The following ADAMTS19 variants were observed in gnomAD, a reference collection of about 807,000 sequenced individuals.
The protein encoded by ADAMTS19 is A disintegrin and metalloproteinase with thrombospondin motifs 19.
A neutral mutation model predicts 153.3 loss-of-function variants in ADAMTS19; 93 were observed. The observed-to-expected ratio is 0.61, with a 90% CI of 0.51 to 0.72. ADAMTS19 has a LOEUF of 0.72. Among genes scored for constraint, ADAMTS19 ranks in the 30% least tolerant of loss-of-function variants. The pLI is 0.00. For synonymous variants in ADAMTS19, 600 were observed against 556.6 expected, an observed-to-expected ratio of 1.08 and a Z score of -1.10; for missense variants, 1,482 against 1,552.1, an observed-to-expected ratio of 0.95 and a Z score of 0.76.
intron 8 of ADAMTS19, among the ~76,000 whole-genome samples, chr5:129,608,116 G>GTGTGTGTGTATATA (rs377008786): frequency 0.02 from 965 of 47,924 alleles, 53 homozygotes; most frequent in Non-Finnish European, 0.036. Context: ...GTGTGTGTGT[G>GTGTGTGTGTATATA]TATATATATA....
chr5:129,710,454 G>A (rs937398828), intron 21 of ADAMTS19, among the ~76,000 whole-genome samples: 5 of 152,132 alleles, frequency 3.3e-5, no homozygotes, highest in Middle Eastern at 3.4e-3. Flanking sequence ...TATCTTTCAC[G>A]AAAGAAGACA....
chr5:129,520,038 G>C (rs1232510058), intron 3 of ADAMTS19, among the ~76,000 whole-genome samples: 1 of 152,058 alleles, frequency 6.6e-6, no homozygotes, highest in Non-Finnish European at 1.5e-5. Flanking sequence ...GAGTTACTGA[G>C]GCCGGGACCC....
At chr5:129,551,048 A>G (rs1753073194) in intron 6 of ADAMTS19, among the ~76,000 whole-genome samples, 1 of 151,668 alleles carries the variant, frequency 6.6e-6, no homozygotes, top group Non-Finnish European at 1.5e-5. Flanking sequence ...TATACATGTT[A>G]AATCATTTAA....
intron 3 of ADAMTS19, among the ~76,000 whole-genome samples, chr5:129,515,433 A>G (rs542390046): frequency 9.3e-4 from 142 of 152,090 alleles, no homozygotes; most frequent in African/African-American, 3.3e-3. Context: ...TGAACATGGA[A>G]TATCTTTCTA....
Position 129,622,326 on chromosome 5 carries a change from C to T in ADAMTS19, c.1748C>T (p.Ala583Val), listed in dbSNP as rs1285907122. The change falls in exon 10 of 23, where the codon GCT becomes GTT. Residue 583 changes from alanine to valine, a missense_variant. This residue lies in a region of ADAMTS19 where 866 missense variants were observed against 827.7 expected (regional missense o/e 1.05). Coordinates refer to ENST00000274487, the MANE Select transcript of ADAMTS19 (RefSeq NM_133638.6). ...TGCCAGATCCTTTTTGGGCCATTGG[C>T]TTCTTTTTGTCAGGAGATGCAGGTA... ...EQCQILFGPL[A>V]SFCQEMQHVI... 2 of 1,613,958 alleles carry T rather than the reference C, an allele frequency of 1.2e-6. No homozygotes were observed. Among genetic ancestry groups the T allele is most frequent in the Non-Finnish European group, 1.7e-6 (2 of 1,179,936 alleles).
chr5:129,711,837 A>G (rs145796383), intron 21 of ADAMTS19, among the ~76,000 whole-genome samples: 72 of 152,226 alleles, frequency 4.7e-4, no homozygotes, highest in African/African-American at 1.7e-3. Flanking sequence ...TTAATATTCT[A>G]CTGTATTTGG....
chr5:129,642,203 G>A (rs767541928), intron 11 of ADAMTS19, among the ~76,000 whole-genome samples: 2 of 151,816 alleles, frequency 1.3e-5, no homozygotes, highest in Non-Finnish European at 2.9e-5. Context: ...TGAGAATGTT[G>A]AGAGTCATAT....
chr5:129,725,647 G>T (rs1165229817), intron 21 of ADAMTS19, among the ~76,000 whole-genome samples: 2 of 152,018 alleles, frequency 1.3e-5, no homozygotes, highest in African/African-American at 4.8e-5. Flanking sequence ...TAGAGAGACA[G>T]TTAACAACCT....
intron 3 of ADAMTS19, among the ~76,000 whole-genome samples, chr5:129,509,950 A>G (rs576066399): frequency 2.2e-4 from 34 of 152,050 alleles, no homozygotes; most frequent in African/African-American, 7.9e-4. Flanking sequence ...ATTCTGTTAC[A>G]TAAGTAGGAT....
intron 7 of ADAMTS19, among the ~76,000 whole-genome samples, chr5:129,554,323 A>G (rs6859734): frequency 0.84 from 127,148 of 152,130 alleles, 53,383 homozygotes; most frequent in Non-Finnish European, 0.88. Flanking sequence ...GGAAAGGGTA[A>G]CCCTATGGGG....
At chr5:129,533,077 T>C (rs544810514) in intron 6 of ADAMTS19, among the ~76,000 whole-genome samples, 2 of 152,150 alleles carry the variant, frequency 1.3e-5, no homozygotes, top group East Asian at 3.9e-4. Flanking sequence ...CAATCCAGCC[T>C]GGGCAACAGA....
chr5:129,537,182 T>A (rs1752468969), intron 6 of ADAMTS19, among the ~76,000 whole-genome samples: 1 of 152,022 alleles, frequency 6.6e-6, no homozygotes, highest in South Asian at 2.1e-4. Flanking sequence ...AAAATGCTCA[T>A]CATCGCTGGC....
At chr5:129,669,346 T>A (rs894968941) in intron 16 of ADAMTS19, among the ~76,000 whole-genome samples, 1 of 152,074 alleles carries the variant, frequency 6.6e-6, no homozygotes, top group Admixed American at 6.6e-5. Context: ...TTTGGTAGGT[T>A]TTGTTTTGGG....
chr5:129,737,020 A>G (rs764888792), intron 22 of ADAMTS19, 47 bp from the exon 23 acceptor site: 4 of 1,491,354 alleles, frequency 2.7e-6, no homozygotes, highest in South Asian at 1.4e-5. Context: ...TTTTACTGAC[A>G]TATATGATAT....
intron 2 of ADAMTS19, among the ~76,000 whole-genome samples, chr5:129,483,443 C>A (rs1212714409): frequency 3.9e-5 from 6 of 152,148 alleles, no homozygotes; most frequent in Non-Finnish European, 4.4e-5. Flanking sequence ...TTGTAGGGGG[C>A]TGTCCCATGC....
In ADAMTS19 at chr5:129,694,860, C is replaced by T. The variant is rs374444052; in HGVS notation, c.2954+5C>T. Reference sequence around the variant, plus strand: ...TGAGCAACCATGTCAAACAAGGTAACTCTATTCCAAGGGCCCTTAAAGCAT... The same window carrying T: ...TGAGCAACCATGTCAAACAAGGTAATTCTATTCCAAGGGCCCTTAAAGCAT... On this transcript the variant is annotated splice_donor_5th_base_variant and intron_variant, in intron 19 of 22. Coordinates refer to ENST00000274487, the MANE Select transcript of ADAMTS19 (RefSeq NM_133638.6). 8 of 1,576,266 alleles carry T rather than the reference C, an allele frequency of 5.1e-6. No individual in the cohort carries two copies. The highest frequency in any genetic ancestry group is 6.9e-6 in the Non-Finnish European group (8 of 1,160,258).
chr5:129,650,957 T>C (rs1753292400), intron 13 of ADAMTS19, among the ~76,000 whole-genome samples: 1 of 152,090 alleles, frequency 6.6e-6, no homozygotes, highest in East Asian at 1.9e-4. Context: ...ACCTAATAAA[T>C]AGTTTCCCAT....
rs1001799687 is a variant in ADAMTS19, at chr5:129,461,591, C to A, written c.581C>A (p.Ala194Glu). ...CTCCGGAGAGACGGCCGCTTCCTGG[C>A]GCCGCGCTTCGCAGTGGAACAGCGG... ...LLLRRDGRFL[A>E]PRFAVEQRPN... The change falls in exon 2 of 23, where the codon GCG becomes GAG. Residue 194 changes from alanine (A) to glutamate (E), a missense_variant. By Grantham distance (107) the Ala-to-Glu change is moderately radical. Transcript: ENST00000274487. The surrounding 1 kb of genome is among the most constrained non-coding windows in gnomAD (Gnocchi z 4.6). 6.3e-7 allele frequency: 1 copy of A among 1,580,330 alleles called. No individual in the cohort carries two copies.
intron 2 of ADAMTS19, among the ~76,000 whole-genome samples, chr5:129,503,227 A>G (rs1751159918): frequency 6.6e-6 from 1 of 152,134 alleles, no homozygotes; most frequent in African/African-American, 2.4e-5. Flanking sequence ...GAAGGATTTT[A>G]TCTTTCTGAG....
Sources: gnomAD v4.1 joint callset for allele counts (sites outside exome capture counted in the v4.1 genomes callset) on GRCh38, gnomAD v4.1.1 for gene constraint, gnomAD v4.1.1 regional missense constraint, Gnocchi (gnomAD v3.1) non-coding constraint, MANE v1.5 for transcripts, NCBI Gene and HGNC (gene_info 2026-07-23, HGNC 2026-07-21) for gene names.